Variants in MRC2 observed in about 807,000 individuals in gnomAD.
MRC2 encodes mannose receptor C-type 2, also known as C-type mannose receptor 2.
MRC2 carries 84 observed loss-of-function variants against 206.2 expected under a neutral mutation model. That is an observed-to-expected ratio of 0.41 (90% CI 0.34 to 0.49). The LOEUF (loss-of-function observed/expected upper bound fraction) is 0.49, where lower values mean the gene tolerates loss of function less well. MRC2 is among the 20% of genes least tolerant of loss of function. The pLI is 0.31. For synonymous variants in MRC2, 798 were observed against 800.0 expected (o/e 1.00, Z 0.04); for missense variants, 1,676 against 2,001.5 (o/e 0.84, Z 3.10).
chr17:62,639,932 C>T (rs1160338343), intron 1 of MRC2, among the ~76,000 whole-genome samples: 2 of 151,598 alleles, frequency 1.3e-5, no homozygotes, highest in African/African-American at 4.8e-5. Flanking sequence ...TGGCTCACTG[C>T]AACCTCTGCC....
intron 1 of MRC2, among the ~76,000 whole-genome samples, chr17:62,642,531 C>T (rs1307823271): frequency 1.3e-5 from 2 of 152,228 alleles, no homozygotes; most frequent in Admixed American, 6.5e-5. Flanking sequence ...ACTGCAACCT[C>T]CACCTCCCAG....
chr17:62,688,989 C>T, intron 23 of MRC2, 29 bp downstream of exon 23: 2 of 1,572,556 alleles, frequency 1.3e-6, no homozygotes, highest in Non-Finnish European at 1.7e-6. Context: ...CTGGGAAACC[C>T]CAGTGGGGCC....
intron 20 of MRC2, among the ~76,000 whole-genome samples, chr17:62,682,766 C>T (rs1235290686): frequency 2.0e-5 from 3 of 151,882 alleles, no homozygotes; most frequent in Non-Finnish European, 1.5e-5. Flanking sequence ...CTCAGCCTCC[C>T]GAGTAGCTGG....
Position 62,664,606 on chromosome 17 carries a change from C to T in MRC2, c.177C>T (p.Gly59=), listed in dbSNP as rs146205886. The change falls in exon 2 of 30, where the codon GGC becomes GGT. Residue 59 remains glycine (G), a synonymous_variant. Transcript: ENST00000303375. This position sits in a 1 kb window ranked among gnomAD's most constrained non-coding sequence, Gnocchi z 4.7. ...HGLQGCLEAQ[G]GQVRVTPACN... Reference sequence around the variant, plus strand: ...TGCAGGGCTGCCTGGAGGCCCAGGGCGGGCAGGTCAGAGTCACCCCGGCTT... The same window carrying T: ...TGCAGGGCTGCCTGGAGGCCCAGGGTGGGCAGGTCAGAGTCACCCCGGCTT... 3.7e-6 allele frequency: 6 copies of T among 1,613,336 alleles called. No individual in the cohort carries two copies. Among genetic ancestry groups the T allele is most frequent in the East Asian group, 4.5e-5 (2 of 44,876 alleles).
At position 62,680,301 on chromosome 17, in the gene MRC2, C is replaced by G; in HGVS notation, c.2430C>G (p.Ile810Met). ...CDTQLDWICK[I>M]PRGTDVREPD... is the part of the protein sequence containing the mutation. ...CACAGCTGGACTGGATCTGCAAGAT[C>G]CCCAGAGGTTGGCCGGAGTGGCGCT... is the stretch of plus-strand genomic sequence containing the variant. Residue 810 changes from isoleucine (I) to methionine (M), a missense_variant, in exon 15 of 30, where the codon ATC (isoleucine) becomes ATG (methionine). Coordinates refer to ENST00000303375, the MANE Select transcript of MRC2 (RefSeq NM_006039.5). This position sits in a 1 kb window ranked among gnomAD's most constrained non-coding sequence, Gnocchi z 4.8. 1 of 1,613,912 alleles carries G rather than the reference C, an allele frequency of 6.2e-7. No individual in the cohort carries two copies. Among genetic ancestry groups the G allele is most frequent in the East Asian group, 2.2e-5 (1 of 44,844 alleles).
chr17:62,681,413 T>C, intron 18 of MRC2: 1 of 539,596 alleles, frequency 1.9e-6, no homozygotes, highest in Non-Finnish European at 3.3e-6. Flanking sequence ...TTACGTCTGG[T>C]GTCATTCATC....
At chr17:62,658,721 C>G (rs192432887) in intron 1 of MRC2, among the ~76,000 whole-genome samples, 1 of 152,210 alleles carries the variant, frequency 6.6e-6, no homozygotes, top group East Asian at 1.9e-4. Flanking sequence ...GTTTTCCAGT[C>G]GTATCTCTGA....
At chr17:62,640,619 T>C (rs187637761) in intron 1 of MRC2, among the ~76,000 whole-genome samples, 5 of 152,180 alleles carry the variant, frequency 3.3e-5, no homozygotes, top group African/African-American at 1.2e-4. Context: ...GCTGAAGTGA[T>C]CTTCCCCCCT....
In MRC2 at chr17:62,688,293, T is replaced by G; in HGVS notation, c.2951T>G (p.Phe984Cys). 6.2e-7 allele frequency: 1 copy of G among 1,613,952 alleles called. No individual in the cohort carries two copies. The highest frequency in any genetic ancestry group is 8.5e-7 in the Non-Finnish European group (1 of 1,179,988). The change falls in exon 21 of 30, where the codon TTT (phenylalanine) becomes TGT (cysteine). Residue 984 changes from phenylalanine to cysteine, a missense_variant. By Grantham distance (205) the Phe-to-Cys change is radical. Coordinates refer to ENST00000303375, the MANE Select transcript of MRC2 (RefSeq NM_006039.5). ...ATCCCCACCTCTGCCCCACAGTGTT[T>G]TCAGGTCCAGGGCCAGGAACCCCAG... ...SDWIQFLNKC[F>C]QVQGQEPQSR... is the part of the protein sequence containing the mutation.
At chr17:62,646,657 GGTCTC>G (rs1463069843) in intron 1 of MRC2, among the ~76,000 whole-genome samples, 2 of 152,118 alleles carry the variant, frequency 1.3e-5, no homozygotes, top group African/African-American at 2.4e-5. Context: ...TTGGATGGTT[GGTCTC>G]ATCCATCTGG....
rs572758323 is a variant in MRC2 at position 62,666,184 on chromosome 17, C to G, written c.611C>G (p.Thr204Arg). The G allele has an allele frequency of 4.4e-6, 7 of 1,603,360 alleles. No homozygotes were observed. Among genetic ancestry groups the G allele is most frequent in the Admixed American group, 1.7e-5 (1 of 58,142 alleles). ...DNQWFHGCTS[T>R]GREDGHLWCA... is the part of the protein sequence containing the mutation. ...CAGTGGTTCCACGGCTGCACCAGCA[C>G]GGGCCGCGAGGATGGTCACCTGTGG... is the stretch of plus-strand genomic sequence containing the variant. The change falls in exon 3 of 30, where the codon ACG becomes AGG. Residue 204 changes from threonine to arginine, a missense_variant. By Grantham distance (71) the Thr-to-Arg change is moderately conservative. This residue lies in a region of MRC2 where 318 missense variants were observed against 346.7 expected (regional missense o/e 0.92). Coordinates refer to ENST00000303375, the MANE Select transcript of MRC2 (RefSeq NM_006039.5). This position sits in a 1 kb window ranked among gnomAD's most constrained non-coding sequence, Gnocchi z 5.0.
intron 1 of MRC2, among the ~76,000 whole-genome samples, chr17:62,657,223 T>G (rs1213758798): frequency 6.6e-6 from 1 of 152,198 alleles, no homozygotes; most frequent in South Asian, 2.1e-4. Flanking sequence ...GTCTTCATTG[T>G]AGAGCCCAGC....
At chr17:62,631,279 G>A (rs535467699) in intron 1 of MRC2, among the ~76,000 whole-genome samples, 3 of 152,212 alleles carry the variant, frequency 2.0e-5, no homozygotes, top group Non-Finnish European at 2.9e-5. Context: ...TGTGGTGGGC[G>A]CCGTGCTGGG....
At chr17:62,655,897 G>T (rs568907027) in intron 1 of MRC2, among the ~76,000 whole-genome samples, 3 of 151,980 alleles carry the variant, frequency 2.0e-5, no homozygotes, top group African/African-American at 2.4e-5. Flanking sequence ...CATTATAAAC[G>T]CATGAGGGCA....
chr17:62,668,674 T>TCTACTAAAAATACAAAAAAAA (rs1365541917), intron 6 of MRC2, among the ~76,000 whole-genome samples: 3 of 152,120 alleles, frequency 2.0e-5, no homozygotes, highest in Middle Eastern at 3.2e-3. Context: ...CTCTGCAGGG[T>TCTACTAAAAATACAAAAAAAA]CTTGGCTGCT....
Position 62,672,630 on chromosome 17 carries a change from G to A in MRC2, c.1461+478G>A, listed in dbSNP as rs2088840377. 6.6e-6 allele frequency among the ~76,000 whole-genome samples: 1 copy of A among 152,118 alleles called. No individual in the cohort carries two copies. The highest frequency in any genetic ancestry group is 1.5e-5 in the Non-Finnish European group (1 of 68,032). On this transcript the variant is annotated intron_variant, in intron 8 of 29. Transcript: ENST00000303375. The surrounding 1 kb of genome is among the most constrained non-coding windows in gnomAD (Gnocchi z 4.5). ...TTTTATGACAATTTGCCATGGTTTG[G>A]GCTTAGATGTGGTGTAAGTGAAGGA...
chr17:62,675,806 G>GCC lies in MRC2; in HGVS notation c.1588_1589dup (p.Ser531HisfsTer11). The GCC allele has an allele frequency of 1.9e-6, 3 of 1,614,086 alleles. No individual in the cohort carries two copies. Among genetic ancestry groups the GCC allele is most frequent in the Non-Finnish European group, 2.5e-6 (3 of 1,179,936 alleles). ...TTGAGCCAGGGTTGGACGTGGCACA[G>GCC]CCCATCCTGCTACTGGCTGGGAGAA... On this transcript the variant is annotated frameshift_variant, in exon 10 of 30. Transcript: ENST00000303375. LOFTEE classifies it high-confidence loss of function. This position sits in a 1 kb window ranked among gnomAD's most constrained non-coding sequence, Gnocchi z 4.1.
At chr17:62,677,186 G>C (rs773987154) in intron 11 of MRC2, 83 bp from the exon 12 acceptor site, 5 of 1,212,032 alleles carry the variant, frequency 4.1e-6, no homozygotes, top group Admixed American at 5.1e-5. Context: ...TGTGAGGGCC[G>C]TGCTAGTGCC....
chr17:62,680,015 G>A lies in MRC2; in HGVS notation c.2298+113G>A. On this transcript the variant is annotated intron_variant, in intron 14 of 29. Transcript: ENST00000303375. The surrounding 1 kb of genome is among the most constrained non-coding windows in gnomAD (Gnocchi z 4.8). The stretch of plus-strand genomic sequence containing the variant: ...TTTCTTGAGGGCCGGGCCCCCAGTC[G>A]GAGCCGGCTTCAGGAAAGCAGGTCC... 2.7e-6 allele frequency: 4 copies of A among 1,472,478 alleles called. No homozygotes were observed. The highest frequency in any genetic ancestry group is 3.7e-6 in the Non-Finnish European group (4 of 1,089,402). The allele number at this position is 1,472,478 out of a possible 1,614,324, so 91.2% of individuals were successfully genotyped here.
Sources: allele counts gnomAD v4.1 joint callset (sites outside exome capture counted in the v4.1 genomes callset), GRCh38; gene constraint gnomAD v4.1.1; regional missense constraint gnomAD v4.1.1; non-coding constraint Gnocchi (gnomAD v3.1); transcripts MANE v1.5; gene names NCBI Gene and HGNC (gene_info 2026-07-23, HGNC 2026-07-21).